DNM1L: variants seen among roughly 807,000 people sequenced by gnomAD.
DNM1L encodes dynamin-1-like protein.
Under a neutral mutation model 92.8 loss-of-function variants are expected in DNM1L, and 33 were observed. The observed-to-expected ratio is 0.36, with a 90% CI of 0.27 to 0.48. The LOEUF (loss-of-function observed/expected upper bound fraction) is 0.48. Ranked by LOEUF, DNM1L falls within the 20% of genes least tolerant of loss-of-function variation. The pLI, the probability that DNM1L is intolerant of heterozygous loss-of-function variation, is 0.99. For synonymous variants in DNM1L, 284 were observed against 305.0 expected (o/e 0.93, Z 0.72); for missense variants, 485 against 888.8 (o/e 0.55, Z 5.78).
At chr12:32,705,531 G>A (rs1952888857) in intron 2 of DNM1L, 1 of 305,448 alleles carries the variant, frequency 3.3e-6, no homozygotes, top group African/African-American at 2.2e-5. Flanking sequence ...ATATTGGAAA[G>A]GTTGTTTCCT....
At chr12:32,727,895 G>C (rs994072244) in intron 9 of DNM1L, among the ~76,000 whole-genome samples, 1 of 152,200 alleles carries the variant, frequency 6.6e-6, no homozygotes, top group African/African-American at 2.4e-5. Context: ...ATTTGTAGAA[G>C]TAAGTTTATT....
At chr12:32,736,098 G>C (rs1286126168) in intron 13 of DNM1L, among the ~76,000 whole-genome samples, 2 of 122,594 alleles carry the variant, frequency 1.6e-5, no homozygotes, top group South Asian at 5.4e-4. Flanking sequence ...TTAAGACAGA[G>C]TCTCACTCTG....
chr12:32,696,786 G>A (rs897692335), intron 1 of DNM1L, among the ~76,000 whole-genome samples: 5 of 150,926 alleles, frequency 3.3e-5, no homozygotes, highest in South Asian at 2.1e-4. Context: ...CACCACGCCC[G>A]GCTAATTTTT....
At chr12:32,715,901 C>T (rs1456122315) in intron 6 of DNM1L, among the ~76,000 whole-genome samples, 1 of 152,134 alleles carries the variant, frequency 6.6e-6, no homozygotes, top group African/African-American at 2.4e-5. Flanking sequence ...AGGTGTTTAA[C>T]CATGTTAAGT....
intron 2 of DNM1L, chr12:32,705,929 AT>A (rs1952906060): frequency 7.2e-7 from 1 of 1,397,586 alleles, no homozygotes. Flanking sequence ...CTTATGTACT[AT>A]TACAGGCTGT....
chr12:32,729,750 G>A (rs969576936), intron 9 of DNM1L, among the ~76,000 whole-genome samples: 3 of 152,200 alleles, frequency 2.0e-5, no homozygotes, highest in African/African-American at 4.8e-5. Context: ...GTGAGCCACT[G>A]TGCCTGGCCG....
rs143037211 is a variant in DNM1L at position 32,744,530 on chromosome 12, A to G, written c.*1120A>G. 0.016 allele frequency: 3,003 copies of G among 189,858 alleles called. 41 individuals are homozygous for G. Among genetic ancestry groups the G allele is most frequent in the Middle Eastern group, 0.038 (17 of 450 alleles). The allele number at this position is 189,858 out of a possible 1,614,324, so 11.8% of individuals were successfully genotyped here. A position where few individuals can be genotyped will look rare whatever the true frequency, so the allele number is the denominator to read the frequency against. On this transcript the variant is annotated 3_prime_UTR_variant, in exon 20 of 20. Transcript: ENST00000549701. ...GGAGTTGGAGACCAGCTTGACCAAC[A>G]TGGAGAAACCCCGTCTCTACTAAAA...
intron 5 of DNM1L, among the ~76,000 whole-genome samples, chr12:32,712,364 A>T (rs181526122): frequency 2.6e-5 from 4 of 152,100 alleles, no homozygotes; most frequent in African/African-American, 9.6e-5. Context: ...CTTCCCCCAG[A>T]TGTCTGTATG....
At chr12:32,742,522 C>A in intron 18 of DNM1L, 67 bp from the exon 19 acceptor site, 1 of 1,588,558 alleles carries the variant, frequency 6.3e-7, no homozygotes, top group Non-Finnish European at 8.6e-7. Flanking sequence ...ATGAGGTTAG[C>A]ATCTAAGCCC....
intron 1 of DNM1L, among the ~76,000 whole-genome samples, chr12:32,695,948 T>C (rs1952428164): frequency 6.6e-6 from 1 of 152,138 alleles, no homozygotes; most frequent in African/African-American, 2.4e-5. Flanking sequence ...TTGTAGAAAT[T>C]GACACGTTGG....
intron 1 of DNM1L, among the ~76,000 whole-genome samples, chr12:32,695,742 A>G (rs771522465): frequency 8.5e-5 from 13 of 152,222 alleles, no homozygotes; most frequent in Non-Finnish European, 1.8e-4. Flanking sequence ...ACCGCACACC[A>G]GCCTGGGCAA....
chr12:32,737,806 T>C, intron 14 of DNM1L, 59 bp from the exon 15 acceptor site: 15 of 1,253,828 alleles, frequency 1.2e-5, no homozygotes, highest in Middle Eastern at 1.9e-4. Flanking sequence ...TTATAGAATG[T>C]TCCTGAATGC....
intron 1 of DNM1L, among the ~76,000 whole-genome samples, chr12:32,693,754 A>G (rs191644114): frequency 1.7e-3 from 258 of 150,578 alleles, no homozygotes; most frequent in African/African-American, 6.0e-3. Context: ...CCATCTGTCT[A>G]AGCCTCCCGA....
At chr12:32,701,695 C>A in intron 2 of DNM1L, 133 bp downstream of exon 2, 2 of 809,650 alleles carry the variant, frequency 2.5e-6, no homozygotes, top group South Asian at 1.6e-5. Context: ...AAGTAGTATG[C>A]ATCTTTCTTA....
At chr12:32,743,207 G>C in intron 19 of DNM1L, 147 bp from the exon 20 acceptor site, 1 of 754,970 alleles carries the variant, frequency 1.3e-6, no homozygotes, top group Non-Finnish European at 2.2e-6. Flanking sequence ...TACTTGATTA[G>C]ATTCTAATTC....
At chr12:32,719,387 T>C (rs1953700884) in intron 7 of DNM1L, among the ~76,000 whole-genome samples, 1 of 152,192 alleles carries the variant, frequency 6.6e-6, no homozygotes, top group South Asian at 2.1e-4. Flanking sequence ...AAGGGAAAAA[T>C]TATCTAATGT....
rs1175742155 is a variant in DNM1L, at chr12:32,740,325, C to A, written c.1885-84C>A. 4 of 1,610,408 alleles carry A rather than the reference C, an allele frequency of 2.5e-6. No homozygotes were observed. The East Asian group carries it at 8.9e-5, about 36-fold the overall frequency. The stretch of plus-strand genomic sequence containing the variant: ...ATTAGACAGAAAGAACTAAAAGTCT[C>A]AAAAACTTACATAACTTTCAGATGT... On this transcript the variant is annotated intron_variant, in intron 17 of 19. Coordinates refer to ENST00000549701, the MANE Select transcript of DNM1L (RefSeq NM_012062.5).
At chr12:32,683,700 A>T (rs1341734899) in intron 1 of DNM1L, among the ~76,000 whole-genome samples, 1 of 151,406 alleles carries the variant, frequency 6.6e-6, no homozygotes, top group African/African-American at 2.4e-5. Flanking sequence ...GCATGCCACC[A>T]CGCCCAGCTA....
rs1347606725 is a variant in DNM1L at position 32,731,755 on chromosome 12, G to T, written c.1357-99G>T. 9.2e-7 allele frequency: 1 copy of T among 1,085,978 alleles called. No individual in the cohort carries two copies. Among genetic ancestry groups the T allele is most frequent in the Non-Finnish European group, 1.4e-6 (1 of 719,346 alleles). 67.3% of individuals were successfully genotyped at this position (1,085,978 alleles called of 1,614,324 possible). A position where few individuals can be genotyped will look rare whatever the true frequency, so the allele number is the denominator to read the frequency against. On this transcript the variant is annotated intron_variant, in intron 11 of 19. Coordinates refer to ENST00000549701, the MANE Select transcript of DNM1L (RefSeq NM_012062.5). This position sits in a 1 kb window ranked among gnomAD's most constrained non-coding sequence, Gnocchi z 5.1. ...ATGGTGGCTTCTACATGTAGTCTCA[G>T]CTACTTGGGAGGCTAAGGTGGGAGG...
Sources: gnomAD v4.1 joint callset for allele counts (sites outside exome capture counted in the v4.1 genomes callset) on GRCh38, gnomAD v4.1.1 for gene constraint, Gnocchi (gnomAD v3.1) non-coding constraint, MANE v1.5 for transcripts, NCBI Gene and HGNC (gene_info 2026-07-23, HGNC 2026-07-21) for gene names.